KCNMA1: variants seen among roughly 807,000 people sequenced by gnomAD.
KCNMA1 encodes potassium calcium-activated channel subfamily M alpha 1.
In KCNMA1, 29 loss-of-function variants were observed where a neutral mutation model predicts 140.0. The observed-to-expected ratio is 0.21, with a 90% CI of 0.15 to 0.28. KCNMA1 has a LOEUF of 0.28. KCNMA1 is among the 10% of genes least tolerant of loss of function. The pLI is 1.00. For synonymous variants in KCNMA1, 612 were observed against 611.9 expected (o/e 1.00, Z 0.00); for missense variants, 880 against 1,602.2 (o/e 0.55, Z 7.70).
chr10:76,974,465 A>T, intron 19 of KCNMA1: 1 of 1,411,372 alleles, frequency 7.1e-7, no homozygotes, highest in Non-Finnish European at 9.8e-7. Context: ...AAAAATGGGA[A>T]TGGGTCCCAG....
At chr10:77,265,006 CA>C (rs1280861150) in intron 2 of KCNMA1, among the ~76,000 whole-genome samples, 1 of 151,932 alleles carries the variant, frequency 6.6e-6, no homozygotes, top group African/African-American at 2.4e-5. Flanking sequence ...CATTCTCGGG[CA>C]AAGCAGGATG....
intron 1 of KCNMA1, among the ~76,000 whole-genome samples, chr10:77,484,371 C>T (rs1280870632): frequency 6.6e-6 from 1 of 152,238 alleles, no homozygotes; most frequent in Non-Finnish European, 1.5e-5. Flanking sequence ...GTGCCACCTC[C>T]TTATAGAAGT....
intron 1 of KCNMA1, among the ~76,000 whole-genome samples, chr10:77,567,669 T>A (rs1445796158): frequency 3.3e-5 from 5 of 152,134 alleles, no homozygotes; most frequent in Non-Finnish European, 5.9e-5. Context: ...CACAAGAGGA[T>A]CCAAGGGGCT....
At chr10:77,626,388 G>A (rs1443186969) in intron 1 of KCNMA1, among the ~76,000 whole-genome samples, 1 of 152,158 alleles carries the variant, frequency 6.6e-6, no homozygotes. Flanking sequence ...TAAGCTCTGG[G>A]AGGAAAGTGT....
chr10:77,558,422 AC>A (rs1418542343), intron 1 of KCNMA1, among the ~76,000 whole-genome samples: 1 of 152,124 alleles, frequency 6.6e-6, no homozygotes, highest in Admixed American at 6.6e-5. Flanking sequence ...CAATGGAACA[AC>A]CAAGGCCCTG....
At chr10:77,460,549 A>G (rs1311561961) in intron 1 of KCNMA1, among the ~76,000 whole-genome samples, 1 of 152,028 alleles carries the variant, frequency 6.6e-6, no homozygotes, top group Non-Finnish European at 1.5e-5. Flanking sequence ...ACACACACAC[A>G]CACACACGCA....
At chr10:77,608,178 T>C (rs1050292217) in intron 1 of KCNMA1, among the ~76,000 whole-genome samples, 5 of 151,794 alleles carry the variant, frequency 3.3e-5, no homozygotes, top group African/African-American at 1.2e-4. Context: ...GTAGATCTCA[T>C]TTCTTTTTTT....
At chr10:77,560,768 C>T (rs547880264) in intron 1 of KCNMA1, among the ~76,000 whole-genome samples, 1 of 152,344 alleles carries the variant, frequency 6.6e-6, no homozygotes, top group South Asian at 2.1e-4. Context: ...ATCCCCCATT[C>T]CCACAGCCTG....
intron 3 of KCNMA1, among the ~76,000 whole-genome samples, chr10:77,234,315 C>G (rs1293452352): frequency 6.6e-6 from 1 of 152,076 alleles, no homozygotes; most frequent in Non-Finnish European, 1.5e-5. Flanking sequence ...TTTAAGAAAC[C>G]CTGCTTTTTC....
At chr10:77,424,601 C>G (rs745375435) in intron 1 of KCNMA1, among the ~76,000 whole-genome samples, 1 of 151,430 alleles carries the variant, frequency 6.6e-6, no homozygotes, top group Non-Finnish European at 1.5e-5. Context: ...AAAAAAAATA[C>G]AATCTCTCCT....
intron 1 of KCNMA1, among the ~76,000 whole-genome samples, chr10:77,502,051 T>C (rs1423506433): frequency 6.6e-6 from 1 of 152,106 alleles, no homozygotes; most frequent in Non-Finnish European, 1.5e-5. Flanking sequence ...GTGAGACCCA[T>C]GAAGGACAGA....
At chr10:76,897,871 C>T (rs896800457) in intron 25 of KCNMA1, among the ~76,000 whole-genome samples, 1 of 151,830 alleles carries the variant, frequency 6.6e-6, no homozygotes, top group Non-Finnish European at 1.5e-5. Context: ...ATTGCCTGAT[C>T]TTATACAAGG....
At chr10:77,066,478 G>A (rs2095954454) in intron 14 of KCNMA1, among the ~76,000 whole-genome samples, 1 of 152,218 alleles carries the variant, frequency 6.6e-6, no homozygotes, top group South Asian at 2.1e-4. Flanking sequence ...TGTGGACAAA[G>A]AAAAGGAATT....
intron 1 of KCNMA1, among the ~76,000 whole-genome samples, chr10:77,489,766 G>T (rs1311729894): frequency 2.0e-5 from 3 of 152,256 alleles, no homozygotes; most frequent in African/African-American, 7.2e-5. Flanking sequence ...AAATACTATA[G>T]AGTAAGGCCT....
intron 1 of KCNMA1, among the ~76,000 whole-genome samples, chr10:77,514,626 G>A (rs2049700092): frequency 1.3e-5 from 2 of 152,196 alleles, no homozygotes; most frequent in Non-Finnish European, 2.9e-5. Flanking sequence ...TATGCGGAGA[G>A]AGAACCATCT....
At chr10:76,992,471 G>A (rs926403300) in intron 19 of KCNMA1, among the ~76,000 whole-genome samples, 1 of 152,196 alleles carries the variant, frequency 6.6e-6, no homozygotes, top group Non-Finnish European at 1.5e-5. Flanking sequence ...CAGAACCCCT[G>A]TAAGCAGATG....
At chr10:77,023,845 G>C (rs1380614341) in intron 16 of KCNMA1, among the ~76,000 whole-genome samples, 1 of 152,082 alleles carries the variant, frequency 6.6e-6, no homozygotes, top group African/African-American at 2.4e-5. Flanking sequence ...TGGAGACACA[G>C]TTGTGTATTT....
At chr10:77,595,139 A>T (rs1210120192) in intron 1 of KCNMA1, among the ~76,000 whole-genome samples, 1 of 152,198 alleles carries the variant, frequency 6.6e-6, no homozygotes, top group Non-Finnish European at 1.5e-5. Context: ...TGAGGTGAGG[A>T]GTTCGAGACT....
At chr10:77,274,792 G>T (rs1218027603) in intron 2 of KCNMA1, among the ~76,000 whole-genome samples, 1 of 152,222 alleles carries the variant, frequency 6.6e-6, no homozygotes, top group Non-Finnish European at 1.5e-5. Flanking sequence ...AGAGGAAATG[G>T]AGTAAGTTTG....
Sources: allele counts gnomAD v4.1 joint callset (sites outside exome capture counted in the v4.1 genomes callset), GRCh38; gene constraint gnomAD v4.1.1; transcripts MANE v1.5; gene names NCBI Gene and HGNC (gene_info 2026-07-23, HGNC 2026-07-21).